The following LAP3 variants were observed in gnomAD, a reference collection of about 807,000 sequenced individuals.
LAP3 encodes the protein leucine aminopeptidase 3, also known as cytosol aminopeptidase.
LAP3 carries 46 observed loss-of-function variants against 58.8 expected under a neutral mutation model. That is an observed-to-expected ratio of 0.78 (90% CI 0.62 to 1.00). LAP3 has a LOEUF of 1.00. Ranked by LOEUF, LAP3 falls within the 50% of genes least tolerant of loss-of-function variation. The probability of loss-of-function intolerance (pLI) is 0.00; values close to 1 mark genes in which losing one functional copy is unlikely to be tolerated. For synonymous variants in LAP3, 257 were observed against 237.7 expected, an observed-to-expected ratio of 1.08 and a Z score of -0.75; for missense variants, 615 against 659.1, an observed-to-expected ratio of 0.93 and a Z score of 0.73.
intron 8 of LAP3, 73 bp downstream of exon 8, chr4:17,595,607 T>C (rs1713810054): frequency 1.3e-6 from 2 of 1,481,968 alleles, no homozygotes; most frequent in African/African-American, 2.8e-5. Context: ...AGACAACAGA[T>C]ATGATTTCCC....
intron 6 of LAP3, 65 bp from the exon 7 acceptor site, chr4:17,588,754 C>T (rs1416803956): frequency 1.4e-6 from 2 of 1,467,584 alleles, no homozygotes; most frequent in African/African-American, 2.9e-5. Flanking sequence ...CTGTGATGAG[C>T]TTTTTCTGTT....
At chr4:17,603,232 C>T (rs1275081631) in intron 10 of LAP3, among the ~76,000 whole-genome samples, 5 of 151,758 alleles carry the variant, frequency 3.3e-5, no homozygotes, top group South Asian at 2.1e-4. Flanking sequence ...GGCATGAACC[C>T]GGGAGGTGGA....
intron 6 of LAP3, chr4:17,587,326 A>C (rs1298264896): frequency 6.6e-6 from 1 of 152,282 alleles, no homozygotes; most frequent in Non-Finnish European, 1.5e-5. Context: ...AGTGTATATC[A>C]GAGAAACACA....
intron 12 of LAP3, 32 bp downstream of exon 12, chr4:17,606,970 C>T (rs1714157649): frequency 1.4e-6 from 2 of 1,392,294 alleles, no homozygotes; most frequent in Non-Finnish European, 2.0e-6. Flanking sequence ...TACATTTATA[C>T]AATCATCCTT....
chr4:17,594,562 C>T (rs1713780451), intron 7 of LAP3, among the ~76,000 whole-genome samples: 1 of 152,222 alleles, frequency 6.6e-6, no homozygotes, highest in Admixed American at 6.5e-5. Context: ...CTTCTGGACT[C>T]CTACGGACTG....
chr4:17,601,835 C>T lies in LAP3; in HGVS notation c.1181-2753C>T, dbSNP rs545844779. 5.9e-5 allele frequency among the ~76,000 whole-genome samples: 9 copies of T among 152,192 alleles called. No homozygotes were observed. The South Asian group carries it at 1.9e-3, about 32-fold the overall frequency. ...TCAGTACTGATGCAGCCATCTCCCC[C>T]GCTTCAAAATATTTTCTGTTGACTC... On this transcript the variant is annotated intron_variant, in intron 10 of 12. Coordinates refer to ENST00000226299, the MANE Select transcript of LAP3 (RefSeq NM_015907.3).
chr4:17,583,224 C>G (rs1426525381), intron 4 of LAP3, among the ~76,000 whole-genome samples: 1 of 152,172 alleles, frequency 6.6e-6, no homozygotes, highest in Non-Finnish European at 1.5e-5. Context: ...TTCCTGAGAG[C>G]CTGTACGGCT....
chr4:17,602,054 C>T (rs1034296208), intron 10 of LAP3, among the ~76,000 whole-genome samples: 1 of 152,174 alleles, frequency 6.6e-6, no homozygotes, highest in Non-Finnish European at 1.5e-5. Context: ...CTTGGACATA[C>T]TTTGCATTGC....
chr4:17,582,432 C>A, intron 4 of LAP3, 39 bp downstream of exon 4: 1 of 1,505,088 alleles, frequency 6.6e-7, no homozygotes, highest in South Asian at 1.2e-5. Flanking sequence ...CCTGAGGATC[C>A]ACTCTTTTTG....
chr4:17,584,619 C>T (rs999380116), intron 5 of LAP3, among the ~76,000 whole-genome samples: 2 of 152,204 alleles, frequency 1.3e-5, no homozygotes, highest in Non-Finnish European at 2.9e-5. Flanking sequence ...TGAAGGAGAA[C>T]AAAACGGGCT....
At chr4:17,586,239 GTATTTGTTTGACC>G (rs1713510797) in intron 6 of LAP3, 1 of 152,162 alleles carries the variant, frequency 6.6e-6, no homozygotes, top group African/African-American at 2.4e-5. Context: ...AAATGAACAG[GTATTTGTTTGACC>G]TAAAGAATTC....
At chr4:17,580,925 T>C (rs1188582422) in intron 2 of LAP3, among the ~76,000 whole-genome samples, 2 of 152,234 alleles carry the variant, frequency 1.3e-5, no homozygotes, top group South Asian at 2.1e-4. Context: ...CTAATAATTA[T>C]AGTAACTAAT....
chr4:17,603,886 G>A (rs2109024417), intron 10 of LAP3, among the ~76,000 whole-genome samples: 1 of 149,372 alleles, frequency 6.7e-6, no homozygotes, highest in Non-Finnish European at 1.5e-5. Flanking sequence ...GAGTGCAATG[G>A]CATGATCTCA....
intron 1 of LAP3, among the ~76,000 whole-genome samples, chr4:17,578,068 G>A (rs1713258441): frequency 6.6e-6 from 1 of 152,216 alleles, no homozygotes; most frequent in Non-Finnish European, 1.5e-5. Flanking sequence ...AGAGACCCAC[G>A]TTTCCCAGAA....
At chr4:17,579,774 A>C (rs1452193357) in intron 1 of LAP3, 50 bp from the exon 2 acceptor site, 1 of 1,031,416 alleles carries the variant, frequency 9.7e-7, no homozygotes, top group Admixed American at 2.0e-5. Context: ...GAGCCTCTCT[A>C]AGGGATCTAC....
chr4:17,604,805 A>C, intron 11 of LAP3, 138 bp downstream of exon 11: 10 of 680,738 alleles, frequency 1.5e-5, no homozygotes, highest in Non-Finnish European at 2.1e-5. Context: ...AATGAACCAC[A>C]GCAATAGATT....
chr4:17,595,162 G>C (rs1000587800), intron 7 of LAP3, among the ~76,000 whole-genome samples: 15 of 150,730 alleles, frequency 1.0e-4, no homozygotes, highest in African/African-American at 3.7e-4. Flanking sequence ...AGCCAGGCAT[G>C]GTGGCAGCTG....
intron 10 of LAP3, among the ~76,000 whole-genome samples, chr4:17,599,170 G>A (rs1199810734): frequency 6.6e-6 from 1 of 152,180 alleles, no homozygotes; most frequent in Non-Finnish European, 1.5e-5. Context: ...GTGAGCCACT[G>A]TGCCCAGCCT....
chr4:17,580,165 C>CATAT lies in LAP3; in HGVS notation c.218+239_218+242dup, dbSNP rs372439585. On this transcript the variant is annotated intron_variant, in intron 2 of 12. Coordinates refer to ENST00000226299, the MANE Select transcript of LAP3 (RefSeq NM_015907.3). ...GGCATGCCTCACCACTCCCGGCTTT[C>CATAT]ATATATATATATATATGTATTTTTT... Among the ~76,000 whole-genome samples the CATAT allele has an allele frequency of 1.3e-4, 6 of 45,990 alleles. 1 individual carries two copies. The highest frequency in any genetic ancestry group is 6.0e-4 in the South Asian group (1 of 1,674). 30.2% of individuals were successfully genotyped at this position (45,990 alleles called of 152,430 possible).
Sources: allele counts gnomAD v4.1 joint callset (sites outside exome capture counted in the v4.1 genomes callset), GRCh38; gene constraint gnomAD v4.1.1; transcripts MANE v1.5; gene names NCBI Gene and HGNC (gene_info 2026-07-23, HGNC 2026-07-21).